RPA3: variants seen among roughly 807,000 people sequenced by gnomAD.
RPA3 encodes replication protein A 14 kDa subunit.
Under a neutral mutation model 13.7 loss-of-function variants are expected in RPA3, and 24 were observed. That is an observed-to-expected ratio of 1.75 (90% CI 1.27 to 2.46). The LOEUF (loss-of-function observed/expected upper bound fraction) is 2.46. RPA3 is among the 30% of genes most tolerant of loss of function. The pLI, the probability that RPA3 is intolerant of heterozygous loss-of-function variation, is 0.00. For synonymous variants in RPA3, 59 were observed against 51.2 expected (o/e 1.15, Z -0.65); for missense variants, 183 against 151.0 (o/e 1.21, Z -1.11).
chr7:7,667,829 G>A (rs1053261125), intron 4 of RPA3, among the ~76,000 whole-genome samples: 3 of 152,180 alleles, frequency 2.0e-5, no homozygotes, highest in Non-Finnish European at 2.9e-5. Context: ...CTGATGAAAA[G>A]CATTCAGTTT....
intron 4 of RPA3, among the ~76,000 whole-genome samples, chr7:7,665,770 A>C (rs1191772174): frequency 6.6e-6 from 1 of 151,606 alleles, no homozygotes; most frequent in South Asian, 2.1e-4. Flanking sequence ...AGAAGCTTAT[A>C]TAAATGGAAT....
intron 2 of RPA3, among the ~76,000 whole-genome samples, chr7:7,714,703 C>CA (rs1457665624): frequency 2.6e-5 from 4 of 152,006 alleles, no homozygotes; most frequent in Admixed American, 1.3e-4. Flanking sequence ...TCCCTAACTG[C>CA]AAATAAAGGC....
chr7:7,640,604 T>C lies in RPA3; in HGVS notation c.-186A>G, dbSNP rs997976332. On this transcript the variant is annotated 5_prime_UTR_variant, in exon 5 of 8. Coordinates refer to ENST00000223129, the MANE Select transcript of RPA3 (RefSeq NM_002947.5). ...TCTCTGAAAGGGGTGGAGAAGGGGC[T>C]GGATGAGTCCGGAAGTGGAGATTGG... The C allele has an allele frequency of 3.3e-6, 2 of 611,196 alleles. No individual in the cohort carries two copies. The highest frequency in any genetic ancestry group is 1.9e-5 in the African/African-American group (1 of 54,038). 37.9% of individuals were successfully genotyped at this position (611,196 alleles called of 1,614,324 possible). A position where few individuals can be genotyped will look rare whatever the true frequency, so the allele number is the denominator to read the frequency against.
intron 6 of RPA3, 39 bp from the exon 7 acceptor site, chr7:7,638,011 A>G: frequency 6.7e-7 from 1 of 1,497,734 alleles, no homozygotes; most frequent in East Asian, 2.3e-5. Context: ...GTGATATCAC[A>G]TTTTCAGTTG....
chr7:7,703,428 T>G (rs1563137880), intron 2 of RPA3, among the ~76,000 whole-genome samples: 1 of 152,248 alleles, frequency 6.6e-6, no homozygotes, highest in Non-Finnish European at 1.5e-5. Flanking sequence ...TTGTGAGTGC[T>G]CTAATTTCTT....
chr7:7,647,785 T>C (rs764517281), intron 4 of RPA3, among the ~76,000 whole-genome samples: 1 of 152,150 alleles, frequency 6.6e-6, no homozygotes, highest in Non-Finnish European at 1.5e-5. Flanking sequence ...ATCTTTCTTT[T>C]GTAGAGACGG....
At position 7,652,506 on chromosome 7, in the gene RPA3, C is replaced by G. The variant is rs531239369; in HGVS notation, c.-757-11331G>C. On this transcript the variant is annotated intron_variant, in intron 4 of 7. Coordinates refer to ENST00000223129, the MANE Select transcript of RPA3 (RefSeq NM_002947.5). ...TTTGACTAGACTAGAATGTGAGTAACATTTTGCATGGTTAATGCATGGTTG... is the reference window on the plus strand; with the variant it reads ...TTTGACTAGACTAGAATGTGAGTAAGATTTTGCATGGTTAATGCATGGTTG... 4.6e-5 allele frequency among the ~76,000 whole-genome samples: 7 copies of G among 152,292 alleles called. No homozygotes were observed. In the South Asian group the frequency reaches 1.5e-3, roughly 32 times the overall value.
At chr7:7,694,635 T>A (rs548235221) in intron 2 of RPA3, among the ~76,000 whole-genome samples, 6 of 152,218 alleles carry the variant, frequency 3.9e-5, no homozygotes, top group African/African-American at 9.6e-5. Flanking sequence ...TGAGAATATG[T>A]GAAGTTTATC....
At chr7:7,678,007 G>T (rs1007789778) in intron 4 of RPA3, among the ~76,000 whole-genome samples, 1 of 152,180 alleles carries the variant, frequency 6.6e-6, no homozygotes, top group Non-Finnish European at 1.5e-5. Flanking sequence ...CACTTAGGTT[G>T]ATTCTATATG....
intron 2 of RPA3, among the ~76,000 whole-genome samples, chr7:7,698,870 CTTTTTTTTTT>C (rs57968079): frequency 7.6e-6 from 1 of 131,956 alleles, no homozygotes; most frequent in Non-Finnish European, 1.6e-5. Context: ...ACCCTCTTGT[CTTTTTTTTTT>C]TTTTTTTTGA....
chr7:7,702,572 A>G (rs1780487512), intron 2 of RPA3, among the ~76,000 whole-genome samples: 1 of 152,138 alleles, frequency 6.6e-6, no homozygotes, highest in Non-Finnish European at 1.5e-5. Flanking sequence ...ACTTTTCCTG[A>G]TACTTTTAAA....
intron 4 of RPA3, among the ~76,000 whole-genome samples, chr7:7,683,136 C>T (rs1205194640): frequency 6.6e-6 from 1 of 152,158 alleles, no homozygotes; most frequent in African/African-American, 2.4e-5. Context: ...TTCTGTTTGG[C>T]ACAGTTAATT....
At position 7,666,963 on chromosome 7, in the gene RPA3, A is replaced by G. The variant is rs555871352; in HGVS notation, c.-758+18867T>C. Among the ~76,000 whole-genome samples, 5 of 152,240 alleles carry G rather than the reference A, an allele frequency of 3.3e-5. No homozygotes were observed. The South Asian group carries it at 1.0e-3, about 32-fold the overall frequency. On this transcript the variant is annotated intron_variant, in intron 4 of 7. Coordinates refer to ENST00000223129, the MANE Select transcript of RPA3 (RefSeq NM_002947.5). ...GCTGGGATTGCAGGCGTGCGCCACC[A>G]CATCCAGCTAATTTTTATATTATTA...
intron 4 of RPA3, among the ~76,000 whole-genome samples, chr7:7,664,285 A>C (rs1779378605): frequency 6.6e-6 from 1 of 152,144 alleles, no homozygotes; most frequent in African/African-American, 2.4e-5. Flanking sequence ...AACTTCACCC[A>C]TCTTAATCCA....
intron 4 of RPA3, among the ~76,000 whole-genome samples, chr7:7,644,880 G>T (rs907721487): frequency 1.3e-5 from 2 of 152,124 alleles, no homozygotes; most frequent in African/African-American, 4.8e-5. Context: ...GATCAAAATT[G>T]CACTGTATCC....
At chr7:7,658,621 T>C (rs1785401630) in intron 4 of RPA3, among the ~76,000 whole-genome samples, 1 of 152,196 alleles carries the variant, frequency 6.6e-6, no homozygotes, top group Non-Finnish European at 1.5e-5. Flanking sequence ...GTTTATTGAT[T>C]TGTGTATGTT....
At chr7:7,649,119 C>G (rs1340650115) in intron 4 of RPA3, among the ~76,000 whole-genome samples, 1 of 140,652 alleles carries the variant, frequency 7.1e-6, no homozygotes. Context: ...GATTGTGCCA[C>G]TGCACTCCAG....
intron 2 of RPA3, among the ~76,000 whole-genome samples, chr7:7,710,919 G>A (rs1228368048): frequency 6.6e-6 from 1 of 152,174 alleles, no homozygotes; most frequent in African/African-American, 2.4e-5. Flanking sequence ...ATTATGCTGA[G>A]TGAAAAGAGC....
At chr7:7,656,937 T>G (rs13230578) in intron 4 of RPA3, among the ~76,000 whole-genome samples, 23,693 of 152,222 alleles carry the variant, frequency 0.16, 2,275 homozygotes, top group Middle Eastern at 0.24. Context: ...ACCAACAGTG[T>G]TAAAAGCCTT....
Sources: allele counts gnomAD v4.1 joint callset (sites outside exome capture counted in the v4.1 genomes callset), GRCh38; gene constraint gnomAD v4.1.1; transcripts MANE v1.5; gene names NCBI Gene and HGNC (gene_info 2026-07-23, HGNC 2026-07-21).